SIPA1L2: variants seen among roughly 807,000 people sequenced by gnomAD.
SIPA1L2 encodes the protein signal-induced proliferation-associated 1-like protein 2.
SIPA1L2 carries 56 observed loss-of-function variants against 163.9 expected under a neutral mutation model. The observed-to-expected ratio is 0.34, with a 90% confidence interval of 0.28 to 0.43. The LOEUF is 0.43. Ranked by LOEUF, SIPA1L2 falls within the 20% of genes least tolerant of loss-of-function variation. SIPA1L2 has a pLI of 1.00. For synonymous variants in SIPA1L2, 877 were observed against 865.7 expected (o/e 1.01, Z -0.23); for missense variants, 1,974 against 2,193.5 (o/e 0.90, Z 2.00).
chr1:232,570,250 C>T (rs1659642795), intron 2 of SIPA1L2, among the ~76,000 whole-genome samples: 1 of 152,200 alleles, frequency 6.6e-6, no homozygotes, highest in Non-Finnish European at 1.5e-5. Context: ...TCTCCCTAAT[C>T]CTCTGATAAA....
At chr1:232,545,187 C>T (rs1270292516) in intron 2 of SIPA1L2, among the ~76,000 whole-genome samples, 2 of 152,212 alleles carry the variant, frequency 1.3e-5, no homozygotes, top group East Asian at 1.9e-4. Context: ...CTCAGCAATG[C>T]CGTAAGCGTA....
chr1:232,462,213 T>A, intron 9 of SIPA1L2: 1 of 1,550,736 alleles, frequency 6.4e-7, no homozygotes, highest in Middle Eastern at 1.7e-4. Context: ...TTACATCCAA[T>A]GAAAGAAAAA....
intron 18 of SIPA1L2, among the ~76,000 whole-genome samples, chr1:232,418,494 C>T (rs1453188569): frequency 6.6e-6 from 1 of 152,218 alleles, no homozygotes; most frequent in East Asian, 1.9e-4. Flanking sequence ...ATCTTTGTGG[C>T]CCACAGTGCG....
chr1:232,462,597 G>A (rs911843174), intron 9 of SIPA1L2, among the ~76,000 whole-genome samples: 4 of 151,938 alleles, frequency 2.6e-5, no homozygotes, highest in African/African-American at 7.2e-5. Flanking sequence ...GAATATTGAC[G>A]TTTCTAAAGT....
At chr1:232,501,397 C>G (rs1002706017) in intron 3 of SIPA1L2, among the ~76,000 whole-genome samples, 1 of 152,008 alleles carries the variant, frequency 6.6e-6, no homozygotes, top group East Asian at 1.9e-4. Flanking sequence ...CTGACCCTAC[C>G]GCATCTCTGA....
chr1:232,449,641 A>G (rs1663448453), intron 10 of SIPA1L2, among the ~76,000 whole-genome samples: 1 of 152,144 alleles, frequency 6.6e-6, no homozygotes, highest in Non-Finnish European at 1.5e-5. Flanking sequence ...ATTAAGAAAT[A>G]GTATATGAAC....
intron 22 of SIPA1L2, 80 bp downstream of exon 22, chr1:232,402,312 T>C: frequency 7.6e-7 from 1 of 1,310,468 alleles, no homozygotes; most frequent in Non-Finnish European, 1.1e-6. Flanking sequence ...TTCCTGAGTC[T>C]TTTCAATTTA....
chr1:232,454,199 AG>A (rs1480555603), intron 10 of SIPA1L2, among the ~76,000 whole-genome samples: 1 of 152,236 alleles, frequency 6.6e-6, no homozygotes, highest in African/African-American at 2.4e-5. Flanking sequence ...CTTAATTTAC[AG>A]ATAGAAACAG....
chr1:232,452,379 G>A (rs1455837527), intron 10 of SIPA1L2, among the ~76,000 whole-genome samples: 1 of 151,972 alleles, frequency 6.6e-6, no homozygotes, highest in Non-Finnish European at 1.5e-5. Flanking sequence ...TGTAGTGTAT[G>A]CACTCCACAA....
Position 232,461,074 on chromosome 1 carries a change from T to C in SIPA1L2, c.2908A>G (p.Ile970Val). The C allele has an allele frequency of 6.2e-7, 1 of 1,614,274 alleles. No individual in the cohort carries two copies. The highest frequency in any genetic ancestry group is 8.5e-7 in the Non-Finnish European group (1 of 1,180,052). Reference protein sequence around the residue: ...QLGFHVNFEGIVADVEPFGFA... With the variant: ...QLGFHVNFEGVVADVEPFGFA... ...CCAAAAGGTTCCACATCTGCGACAA[T>C]TCCTTCAAAATTCACATGGAAGCCA... is the stretch of plus-strand genomic sequence containing the variant. The change falls in exon 10 of 23, where the codon ATT (isoleucine) becomes GTT (valine). Residue 970 changes from isoleucine (I) to valine (V), a missense_variant. Ile to Val is a conservative substitution (Grantham distance 29, BLOSUM62 3). Coordinates refer to ENST00000674635, the MANE Select transcript of SIPA1L2 (RefSeq NM_020808.5).
intron 2 of SIPA1L2, among the ~76,000 whole-genome samples, chr1:232,555,943 T>C (rs1658679541): frequency 6.6e-6 from 1 of 152,196 alleles, no homozygotes; most frequent in Non-Finnish European, 1.5e-5. Flanking sequence ...TGTCCTTGAA[T>C]AGCATTTTGC....
Position 232,524,489 on chromosome 1 carries a change from T to C in SIPA1L2, c.-269-8881A>G, listed in dbSNP as rs79223366. Among the ~76,000 whole-genome samples the C allele has an allele frequency of 3.9e-5, 6 of 152,188 alleles. No individual in the cohort carries two copies. In the East Asian group the frequency reaches 1.2e-3, roughly 29 times the overall value. ...GTAATATATATTAAGTCCTATAAAA[T>C]GTTCAAATACTCTACATCTGAAAAA... is the stretch of plus-strand genomic sequence containing the variant. On this transcript the variant is annotated intron_variant, in intron 2 of 22. Coordinates refer to ENST00000674635, the MANE Select transcript of SIPA1L2 (RefSeq NM_020808.5).
At chr1:232,608,108 G>A (rs925662734) in intron 1 of SIPA1L2, among the ~76,000 whole-genome samples, 4 of 148,716 alleles carry the variant, frequency 2.7e-5, no homozygotes, top group Non-Finnish European at 5.9e-5. Flanking sequence ...GTGCAGTGGC[G>A]CAATCTCAGC....
intron 1 of SIPA1L2, among the ~76,000 whole-genome samples, chr1:232,610,419 C>T (rs1437327719): frequency 6.6e-6 from 1 of 152,114 alleles, no homozygotes; most frequent in Non-Finnish European, 1.5e-5. Flanking sequence ...GGGCTGGACG[C>T]CAGGTTTCCA....
chr1:232,455,785 C>G (rs1663876908), intron 10 of SIPA1L2, among the ~76,000 whole-genome samples: 1 of 151,188 alleles, frequency 6.6e-6, no homozygotes, highest in Admixed American at 6.6e-5. Flanking sequence ...AAGAACGAAA[C>G]CATGTCTTTT....
chr1:232,628,743 A>G (rs1229599007), intron 1 of SIPA1L2, among the ~76,000 whole-genome samples: 2 of 152,200 alleles, frequency 1.3e-5, no homozygotes, highest in Non-Finnish European at 2.9e-5. Flanking sequence ...GGCTGCACAC[A>G]AACGCGACTC....
intron 5 of SIPA1L2, among the ~76,000 whole-genome samples, chr1:232,487,373 T>C (rs12128065): frequency 0.26 from 39,151 of 152,134 alleles, 5,183 homozygotes; most frequent in Admixed American, 0.35. Flanking sequence ...GTTCTAAGCA[T>C]GTAATCTCAT....
At chr1:232,434,616 T>C (rs568734263) in intron 15 of SIPA1L2, among the ~76,000 whole-genome samples, 2 of 152,310 alleles carry the variant, frequency 1.3e-5, no homozygotes, top group South Asian at 4.1e-4. Flanking sequence ...TAGGAGCTAA[T>C]GGACTCTTCC....
chr1:232,545,813 TTAATG>T (rs1657997063), intron 2 of SIPA1L2, among the ~76,000 whole-genome samples: 1 of 152,268 alleles, frequency 6.6e-6, no homozygotes, highest in Admixed American at 6.5e-5. Flanking sequence ...TATTTTTCAA[TTAATG>T]TATTAATAAC....
Sources: gnomAD v4.1 joint callset for allele counts (sites outside exome capture counted in the v4.1 genomes callset) on GRCh38, gnomAD v4.1.1 for gene constraint, MANE v1.5 for transcripts, NCBI Gene and HGNC (gene_info 2026-07-23, HGNC 2026-07-21) for gene names.